Variants in FIG4 observed in about 807,000 individuals in gnomAD.
FIG4 encodes polyphosphoinositide phosphatase.
Under a neutral mutation model 118.6 loss-of-function variants are expected in FIG4, and 112 were observed. The ratio of observed to expected loss-of-function variants is 0.94; its 90% CI spans 0.81 to 1.11. The LOEUF (loss-of-function observed/expected upper bound fraction) is 1.11. Among genes scored for constraint, FIG4 ranks in the 50% least tolerant of loss-of-function variants. The pLI, the probability that FIG4 is intolerant of heterozygous loss-of-function variation, is 0.00. For synonymous variants in FIG4, 369 were observed against 381.2 expected, an observed-to-expected ratio of 0.97 and a Z score of 0.37; for missense variants, 969 against 1,111.7, an observed-to-expected ratio of 0.87 and a Z score of 1.83.
rs1775382905 is a variant in FIG4 at position 109,714,989 on chromosome 6, A to G, written c.67-89A>G. 1.0e-5 allele frequency: 7 copies of G among 689,030 alleles called. No homozygotes were observed. In the South Asian group the frequency reaches 1.2e-4, roughly 12 times the overall value. 42.7% of individuals were successfully genotyped at this position (689,030 alleles called of 1,614,324 possible). ...TTTAAAAAGTAACCTGACTTTATTA[A>G]TGTATTTAATTTCAAAAACTAAAGT... On this transcript the variant is annotated intron_variant, in intron 1 of 22. Coordinates refer to ENST00000230124, the MANE Select transcript of FIG4 (RefSeq NM_014845.6).
In FIG4 at chr6:109,784,967, T is replaced by C. The variant is rs1437537698; in HGVS notation, c.1890-3T>C. 6.8e-7 allele frequency: 1 copy of C among 1,479,234 alleles called. No individual in the cohort carries two copies. Among genetic ancestry groups the C allele is most frequent in the African/African-American group, 1.4e-5 (1 of 71,894 alleles). The allele number at this position is 1,479,234 out of a possible 1,614,324, so 91.6% of individuals were successfully genotyped here. A position where few individuals can be genotyped will look rare whatever the true frequency, so the allele number is the denominator to read the frequency against. ...ATCTTTTTTTTTAATTTTTATTTTATAGTTATACTTACTGGTGGACACCAG... is the reference window on the plus strand; with the variant it reads ...ATCTTTTTTTTTAATTTTTATTTTACAGTTATACTTACTGGTGGACACCAG... On this transcript the variant is annotated splice_polypyrimidine_tract_variant and splice_region_variant and intron_variant, in intron 16 of 22. Transcript: ENST00000230124.
intron 4 of FIG4, among the ~76,000 whole-genome samples, chr6:109,728,816 T>G (rs1023613423): frequency 1.3e-5 from 2 of 152,158 alleles, no homozygotes; most frequent in Admixed American, 1.3e-4. Context: ...AATCCAGGGA[T>G]AGGAAAATTT....
chr6:109,730,034 C>T (rs980620289), intron 4 of FIG4, among the ~76,000 whole-genome samples: 3 of 151,802 alleles, frequency 2.0e-5, no homozygotes, highest in Non-Finnish European at 2.9e-5. Flanking sequence ...TGTTAGTTTT[C>T]TCCAAAATTA....
intron 22 of FIG4, among the ~76,000 whole-genome samples, chr6:109,806,636 A>G (rs1318521509): frequency 4.7e-5 from 7 of 149,190 alleles, no homozygotes; most frequent in African/African-American, 1.7e-4. Flanking sequence ...TTTTTTTTTT[A>G]ATTATACTTT....
intron 16 of FIG4, among the ~76,000 whole-genome samples, chr6:109,780,960 T>A (rs910097513): frequency 1.3e-5 from 2 of 152,252 alleles, no homozygotes; most frequent in East Asian, 3.8e-4. Context: ...GTGTTTAGAA[T>A]GTCACCAAGA....
intron 10 of FIG4, among the ~76,000 whole-genome samples, chr6:109,757,545 A>G (rs915886056): frequency 1.3e-5 from 2 of 152,218 alleles, no homozygotes; most frequent in Non-Finnish European, 2.9e-5. Flanking sequence ...CCCTTTGAAA[A>G]TCAACACAAG....
chr6:109,798,601 C>T (rs948791407), intron 22 of FIG4, among the ~76,000 whole-genome samples: 2 of 152,060 alleles, frequency 1.3e-5, no homozygotes, highest in South Asian at 2.1e-4. Context: ...GATGAGACTA[C>T]CTAGGAAGCG....
rs72384711 is a variant in FIG4 at position 109,795,595 on chromosome 6, C to CTTTTTTTTTT, written c.2460-1153_2460-1144dup. Among the ~76,000 whole-genome samples the CTTTTTTTTTT allele has an allele frequency of 8.6e-5, 6 of 69,528 alleles. 2 individuals carry two copies. The highest frequency in any genetic ancestry group is 4.2e-4 in the East Asian group (1 of 2,394). 45.6% of individuals were successfully genotyped at this position (69,528 alleles called of 152,430 possible). A position where few individuals can be genotyped will look rare whatever the true frequency, so the allele number is the denominator to read the frequency against. ...GAAATCTGTTCTTTTGGTTTCAGTC[C>CTTTTTTTTTT]TTTTTTTTTTTTTTTTTTTTTTTTT... On this transcript the variant is annotated intron_variant, in intron 21 of 22. Transcript: ENST00000230124.
At chr6:109,699,498 GTT>G (rs562523768) in intron 1 of FIG4, among the ~76,000 whole-genome samples, 1 of 136,186 alleles carries the variant, frequency 7.3e-6, no homozygotes, top group African/African-American at 2.7e-5. Context: ...TTTTTTGTTT[GTT>G]TTTTTTTTGT....
At chr6:109,767,132 A>G (rs1169649388) in intron 15 of FIG4, among the ~76,000 whole-genome samples, 1 of 152,214 alleles carries the variant, frequency 6.6e-6, no homozygotes, top group Non-Finnish European at 1.5e-5. Context: ...TTTTTATATA[A>G]TGCAACACAC....
intron 10 of FIG4, among the ~76,000 whole-genome samples, chr6:109,751,891 G>T (rs1233311408): frequency 6.8e-6 from 1 of 146,690 alleles, no homozygotes; most frequent in Admixed American, 6.8e-5. Flanking sequence ...ACAATGTGCC[G>T]ATTAGTTACA....
At chr6:109,785,524 C>A in intron 17 of FIG4, 1 of 293,400 alleles carries the variant, frequency 3.4e-6, no homozygotes, top group Non-Finnish European at 7.3e-6. Context: ...AGGAAACATT[C>A]TATATTAAAG....
intron 3 of FIG4, among the ~76,000 whole-genome samples, chr6:109,721,241 AG>A (rs1161866162): frequency 5.3e-5 from 8 of 152,214 alleles, no homozygotes; most frequent in African/African-American, 1.9e-4. Flanking sequence ...CAGACTAGTT[AG>A]GGGGCAGTAT....
intron 16 of FIG4, among the ~76,000 whole-genome samples, chr6:109,783,581 A>T (rs1232824638): frequency 6.6e-6 from 1 of 152,244 alleles, no homozygotes; most frequent in Non-Finnish European, 1.5e-5. Context: ...CACTTTCAAC[A>T]CATAGAGCAG....
intron 18 of FIG4, among the ~76,000 whole-genome samples, chr6:109,788,847 C>T (rs1778059391): frequency 6.6e-6 from 1 of 152,238 alleles, no homozygotes; most frequent in Non-Finnish European, 1.5e-5. Context: ...TCTTATCCAT[C>T]AGAAATCCTG....
chr6:109,805,801 T>C (rs1778549401), intron 22 of FIG4, among the ~76,000 whole-genome samples: 1 of 152,198 alleles, frequency 6.6e-6, no homozygotes, highest in African/African-American at 2.4e-5. Context: ...TTTTTTACAA[T>C]AAAACTTTTA....
chr6:109,698,901 A>G (rs1295307921), intron 1 of FIG4, among the ~76,000 whole-genome samples: 2 of 152,120 alleles, frequency 1.3e-5, no homozygotes, highest in Non-Finnish European at 2.9e-5. Flanking sequence ...TTTGTTAAGA[A>G]TCTTTGCTTT....
At chr6:109,734,672 G>A (rs1776109194) in intron 5 of FIG4, among the ~76,000 whole-genome samples, 1 of 151,794 alleles carries the variant, frequency 6.6e-6, no homozygotes, top group Non-Finnish European at 1.5e-5. Flanking sequence ...TATATTATTT[G>A]CTTATTTCTG....
rs558350777 is a variant in FIG4 at position 109,708,999 on chromosome 6, G to A, written c.67-6079G>A. Among the ~76,000 whole-genome samples the A allele has an allele frequency of 1.2e-3, 179 of 152,130 alleles. 1 individual carries two copies. The highest frequency in any genetic ancestry group is 2.1e-3 in the South Asian group (10 of 4,814). On this transcript the variant is annotated intron_variant, in intron 1 of 22. Transcript: ENST00000230124. ...CCATTTGTCATTTTTTGCTTCTGTT[G>A]CAATTGCTTTTGGATCTTCATCATG...
Sources: allele counts gnomAD v4.1 joint callset (sites outside exome capture counted in the v4.1 genomes callset), GRCh38; gene constraint gnomAD v4.1.1; transcripts MANE v1.5; gene names NCBI Gene and HGNC (gene_info 2026-07-23, HGNC 2026-07-21).